The following XYLT1 variants were observed in gnomAD, a reference collection of about 807,000 sequenced individuals.
XYLT1 encodes the protein xylosyltransferase 1.
In XYLT1, 36 loss-of-function variants were observed where a neutral mutation model predicts 91.3. The observed-to-expected ratio is 0.39, with a 90% CI of 0.30 to 0.52. XYLT1 has a LOEUF of 0.52. Among genes scored for constraint, XYLT1 ranks in the 20% least tolerant of loss-of-function variants. The pLI, the probability that XYLT1 is intolerant of heterozygous loss-of-function variation, is 0.68. For missense variants in XYLT1, 1,242 were observed against 1,284.5 expected (o/e 0.97, Z 0.51); for synonymous variants, 588 against 532.0 (o/e 1.11, Z -1.45).
chr16:17,403,218 C>T (rs1009849781), intron 1 of XYLT1, among the ~76,000 whole-genome samples: 1 of 152,162 alleles, frequency 6.6e-6, no homozygotes, highest in Admixed American at 6.5e-5. Flanking sequence ...TCATATCCAG[C>T]CTTGGATGCA....
intron 1 of XYLT1, among the ~76,000 whole-genome samples, chr16:17,405,115 C>T (rs1488059662): frequency 2.0e-5 from 3 of 152,334 alleles, no homozygotes; most frequent in African/African-American, 7.2e-5. Flanking sequence ...TGATCAATGT[C>T]GCGGCTGTGC....
intron 1 of XYLT1, among the ~76,000 whole-genome samples, chr16:17,448,130 G>T (rs2036616204): frequency 6.6e-6 from 1 of 152,230 alleles, no homozygotes; most frequent in Non-Finnish European, 1.5e-5. Flanking sequence ...CACTCTGGGA[G>T]GCCAAGGCGG....
intron 1 of XYLT1, among the ~76,000 whole-genome samples, chr16:17,391,914 G>T (rs1042154776): frequency 6.6e-6 from 1 of 152,048 alleles, no homozygotes; most frequent in African/African-American, 2.4e-5. Flanking sequence ...ACGTAAGATG[G>T]GCCTTTGCTC....
At chr16:17,171,178 T>C (rs1421120845) in intron 5 of XYLT1, among the ~76,000 whole-genome samples, 1 of 152,170 alleles carries the variant, frequency 6.6e-6, no homozygotes, top group Non-Finnish European at 1.5e-5. Context: ...ATTATTGTTA[T>C]TATTTTTATT....
chr16:17,111,264 A>C (rs1197636709), intron 11 of XYLT1, among the ~76,000 whole-genome samples: 1 of 152,248 alleles, frequency 6.6e-6, no homozygotes, highest in Non-Finnish European at 1.5e-5. Context: ...CACGATGAGG[A>C]ATCAGGAAGT....
chr16:17,135,563 C>CAAAAA lies in XYLT1; in HGVS notation c.1765-833_1765-829dup, dbSNP rs112216252. Among the ~76,000 whole-genome samples, 40 of 117,120 alleles carry CAAAAA rather than the reference C, an allele frequency of 3.4e-4. No individual in the cohort carries two copies. The South Asian group carries it at 4.6e-3, about 13-fold the overall frequency. The allele number at this position is 117,120 out of a possible 152,430, so 76.8% of individuals were successfully genotyped here. A position where few individuals can be genotyped will look rare whatever the true frequency, so the allele number is the denominator to read the frequency against. The stretch of plus-strand genomic sequence containing the variant: ...GAGTCAATAGCTCTGGAGTGTAGCT[C>CAAAAA]AAAAAAAAAAAAAAAAAATTCCCAG... On this transcript the variant is annotated intron_variant, in intron 8 of 11. Coordinates refer to ENST00000261381, the MANE Select transcript of XYLT1 (RefSeq NM_022166.4).
In XYLT1 at chr16:17,240,086, T is replaced by A. The variant is rs548132485; in HGVS notation, c.913+18902A>T. Among the ~76,000 whole-genome samples the A allele has an allele frequency of 6.6e-5, 10 of 152,322 alleles. 1 individual carries two copies. The highest frequency in any genetic ancestry group is 2.2e-4 in the African/African-American group (9 of 41,584). On this transcript the variant is annotated intron_variant, in intron 3 of 11. Transcript: ENST00000261381. ...ATACATGCATATTAATAAACTGGAA[T>A]AAATGCTATAAAAGAAAAGTTTTGC...
intron 1 of XYLT1, among the ~76,000 whole-genome samples, chr16:17,402,025 G>A (rs779429823): frequency 5.9e-5 from 9 of 152,076 alleles, no homozygotes; most frequent in African/African-American, 9.7e-5. Context: ...TAGGCTGAGC[G>A]TGGTGGCTCA....
chr16:17,216,902 G>A (rs1199875611), intron 3 of XYLT1, among the ~76,000 whole-genome samples: 1 of 152,186 alleles, frequency 6.6e-6, no homozygotes, highest in Non-Finnish European at 1.5e-5. Flanking sequence ...ATCTCCGGTT[G>A]ATCACAACAG....
chr16:17,392,366 G>A (rs1350336135), intron 1 of XYLT1, among the ~76,000 whole-genome samples: 1 of 152,074 alleles, frequency 6.6e-6, no homozygotes, highest in Non-Finnish European at 1.5e-5. Flanking sequence ...GAGGTCTAGG[G>A]CCAAATGTCA....
chr16:17,322,371 T>C (rs964118300), intron 2 of XYLT1, among the ~76,000 whole-genome samples: 5 of 152,202 alleles, frequency 3.3e-5, no homozygotes, highest in African/African-American at 1.2e-4. Context: ...ATGAACTAGA[T>C]AATATAATCA....
At chr16:17,377,175 T>TCACACA (rs376242678) in intron 1 of XYLT1, among the ~76,000 whole-genome samples, 3 of 150,830 alleles carry the variant, frequency 2.0e-5, no homozygotes, top group African/African-American at 7.4e-5. Flanking sequence ...AGACTCTGCC[T>TCACACA]CACACACACA....
At chr16:17,285,510 C>T (rs2034121145) in intron 2 of XYLT1, among the ~76,000 whole-genome samples, 1 of 152,178 alleles carries the variant, frequency 6.6e-6, no homozygotes, top group African/African-American at 2.4e-5. Context: ...TGTCTCAGAA[C>T]CAAAGGTTGT....
At chr16:17,328,717 C>T (rs967641005) in intron 2 of XYLT1, among the ~76,000 whole-genome samples, 4 of 152,076 alleles carry the variant, frequency 2.6e-5, no homozygotes, top group African/African-American at 9.7e-5. Context: ...CGTGCGCAAC[C>T]ATCAGTGCTT....
chr16:17,262,729 G>A (rs941539042), intron 2 of XYLT1, among the ~76,000 whole-genome samples: 1 of 152,130 alleles, frequency 6.6e-6, no homozygotes, highest in Admixed American at 6.5e-5. Context: ...GCTGGTGGAG[G>A]TCATGCATCC....
At chr16:17,216,677 A>C (rs946168651) in intron 3 of XYLT1, among the ~76,000 whole-genome samples, 4 of 152,184 alleles carry the variant, frequency 2.6e-5, no homozygotes, top group African/African-American at 9.7e-5. Flanking sequence ...CAGCAAACCT[A>C]TGAGGTCCTG....
At position 17,431,952 on chromosome 16, in the gene XYLT1, T is replaced by C. The variant is rs566010096; in HGVS notation, c.363+38482A>G. On this transcript the variant is annotated intron_variant, in intron 1 of 11. Transcript: ENST00000261381. ...GCTGGGGGATATAATGTGAAACCGG[T>C]GTGGAGGCTTTTCCTGTGTGTTATC... Among the ~76,000 whole-genome samples, 3 of 152,268 alleles carry C rather than the reference T, an allele frequency of 2.0e-5. No individual in the cohort carries two copies. In the South Asian group the frequency reaches 6.2e-4, roughly 32 times the overall value.
At chr16:17,175,212 T>C (rs149182070) in intron 5 of XYLT1, among the ~76,000 whole-genome samples, 142 of 152,328 alleles carry the variant, frequency 9.3e-4, no homozygotes, top group African/African-American at 3.3e-3. Flanking sequence ...CTATTTTATA[T>C]ACGCTATCCA....
Position 17,387,250 on chromosome 16 carries a change from T to C in XYLT1, c.364-29200A>G, listed in dbSNP as rs1596518464. Among the ~76,000 whole-genome samples, 2 of 152,152 alleles carry C rather than the reference T, an allele frequency of 1.3e-5. 1 individual carries two copies. Among genetic ancestry groups the C allele is most frequent in the Non-Finnish European group, 2.9e-5 (2 of 68,026 alleles). ...AACCAATGTGTCCTAGGCCACTCTA[T>C]TCCCGAAAGGTGGGCTGTGGGACTG... On this transcript the variant is annotated intron_variant, in intron 1 of 11. Transcript: ENST00000261381.
Sources: gnomAD v4.1 joint callset for allele counts (sites outside exome capture counted in the v4.1 genomes callset) on GRCh38, gnomAD v4.1.1 for gene constraint, MANE v1.5 for transcripts, NCBI Gene and HGNC (gene_info 2026-07-23, HGNC 2026-07-21) for gene names.